Variants in MYO5B observed in about 807,000 individuals in gnomAD.
MYO5B encodes the protein unconventional myosin-Vb.
A neutral mutation model predicts 229.3 loss-of-function variants in MYO5B; 143 were observed. The ratio of observed to expected loss-of-function variants is 0.62; its 90% CI spans 0.54 to 0.72. The LOEUF (loss-of-function observed/expected upper bound fraction) is 0.72. Ranked by LOEUF, MYO5B falls within the 30% of genes least tolerant of loss-of-function variation. The pLI, the probability that MYO5B is intolerant of heterozygous loss-of-function variation, is 0.00. For missense variants in MYO5B, 2,321 were observed against 2,331.0 expected (o/e 1.00, Z 0.09); for synonymous variants, 918 against 885.2 (o/e 1.04, Z -0.66).
chr18:49,844,024 T>TCTTACTTCCC (rs1235125537), intron 33 of MYO5B, among the ~76,000 whole-genome samples: 1 of 152,132 alleles, frequency 6.6e-6, no homozygotes, highest in Non-Finnish European at 1.5e-5. Flanking sequence ...CATGCATCTC[T>TCTTACTTCCC]CCAGCGGCTC....
At chr18:50,142,861 C>T (rs1054956580) in intron 1 of MYO5B, among the ~76,000 whole-genome samples, 1 of 152,242 alleles carries the variant, frequency 6.6e-6, no homozygotes. Flanking sequence ...GAAATCACAA[C>T]AGCATCATTC....
intron 27 of MYO5B, among the ~76,000 whole-genome samples, chr18:49,868,202 A>AT (rs1015058348): frequency 2.6e-4 from 40 of 152,322 alleles, no homozygotes; most frequent in African/African-American, 8.9e-4. Context: ...AGGAATATGG[A>AT]TTTTTTAAAA....
chr18:49,992,156 C>A (rs1382449195), intron 6 of MYO5B, 132 bp downstream of exon 6: 2 of 1,308,182 alleles, frequency 1.5e-6, no homozygotes, highest in African/African-American at 1.5e-5. Context: ...AGATAAGAAC[C>A]AAAAGAACAA....
intron 1 of MYO5B, among the ~76,000 whole-genome samples, chr18:50,167,828 A>G (rs1599073137): frequency 6.6e-6 from 1 of 152,160 alleles, no homozygotes; most frequent in African/African-American, 2.4e-5. Context: ...AAGTCCCCAA[A>G]ATAAATCAAG....
chr18:50,126,425 G>A (rs1229627926), intron 1 of MYO5B: 1 of 154,772 alleles, frequency 6.5e-6, no homozygotes, highest in African/African-American at 2.4e-5. Context: ...ATTCAATTAA[G>A]GCAGAGACCA....
chr18:49,894,425 G>A (rs576532881), intron 22 of MYO5B, among the ~76,000 whole-genome samples: 38 of 152,224 alleles, frequency 2.5e-4, no homozygotes, highest in African/African-American at 7.9e-4. Flanking sequence ...TCAGGTTTGG[G>A]GCAAAGCTCA....
chr18:50,182,938 G>A (rs1367550751), intron 1 of MYO5B, among the ~76,000 whole-genome samples: 3 of 152,112 alleles, frequency 2.0e-5, no homozygotes, highest in African/African-American at 7.2e-5. Flanking sequence ...TGAGGGATGT[G>A]AGGCTAAGAT....
At chr18:49,929,162 T>A (rs1217615) in intron 17 of MYO5B, among the ~76,000 whole-genome samples, 110,323 of 152,032 alleles carry the variant, frequency 0.73, 40,424 homozygotes, top group African/African-American at 0.82. Context: ...ATATTTTCCT[T>A]CTGTTAGAAA....
chr18:50,123,304 C>T lies in MYO5B; in HGVS notation c.28-67926G>A, dbSNP rs189459070. On this transcript the variant is annotated intron_variant, in intron 1 of 39. Transcript: ENST00000285039. ...ACAGGAGGGAGAAATGGGTACAGGTCTCCTTTGTGGGTTATGAAAATATTT... is the reference window on the plus strand; with the variant it reads ...ACAGGAGGGAGAAATGGGTACAGGTTTCCTTTGTGGGTTATGAAAATATTT... Among the ~76,000 whole-genome samples, 20 of 152,254 alleles carry T rather than the reference C, an allele frequency of 1.3e-4. No individual in the cohort carries two copies. In the East Asian group the frequency reaches 3.5e-3, roughly 26 times the overall value.
chr18:50,101,103 T>C (rs985733933), intron 1 of MYO5B, among the ~76,000 whole-genome samples: 4 of 152,238 alleles, frequency 2.6e-5, no homozygotes, highest in Non-Finnish European at 5.9e-5. Flanking sequence ...AGTTGAAGTT[T>C]GCTAAGAGGG....
At chr18:50,055,118 C>A in intron 2 of MYO5B, 150 bp downstream of exon 2, 1 of 651,872 alleles carries the variant, frequency 1.5e-6, no homozygotes, top group Non-Finnish European at 2.7e-6. Flanking sequence ...TCACATACAT[C>A]AATAGCAACA....
At chr18:49,992,858 C>T (rs1275159135) in intron 5 of MYO5B, among the ~76,000 whole-genome samples, 1 of 152,222 alleles carries the variant, frequency 6.6e-6, no homozygotes, top group Admixed American at 6.5e-5. Flanking sequence ...CCAGTGCCCA[C>T]TAGCTCTGAA....
intron 2 of MYO5B, among the ~76,000 whole-genome samples, chr18:50,045,659 A>T (rs2030204061): frequency 6.6e-6 from 1 of 152,164 alleles, no homozygotes; most frequent in Non-Finnish European, 1.5e-5. Context: ...AAAGTGTGAG[A>T]TTACAGGTGT....
chr18:50,152,447 C>T (rs2032613684), intron 1 of MYO5B, among the ~76,000 whole-genome samples: 1 of 152,230 alleles, frequency 6.6e-6, no homozygotes, highest in African/African-American at 2.4e-5. Context: ...TGTGCTACTG[C>T]TTTCAGCATG....
At chr18:50,068,378 C>A (rs1227371348) in intron 1 of MYO5B, among the ~76,000 whole-genome samples, 1 of 152,172 alleles carries the variant, frequency 6.6e-6, no homozygotes, top group Non-Finnish European at 1.5e-5. Context: ...GGGACACATC[C>A]CAGATCTACA....
intron 4 of MYO5B, among the ~76,000 whole-genome samples, chr18:50,006,246 T>A (rs2026099526): frequency 6.6e-6 from 1 of 152,186 alleles, no homozygotes; most frequent in African/African-American, 2.4e-5. Flanking sequence ...AAGTACAGAA[T>A]CTGACCCAAT....
At chr18:50,136,207 C>T (rs1273766807) in intron 1 of MYO5B, among the ~76,000 whole-genome samples, 1 of 152,198 alleles carries the variant, frequency 6.6e-6, no homozygotes, top group Non-Finnish European at 1.5e-5. Flanking sequence ...ACAGTATGTA[C>T]TTAGAGAAGC....
intron 7 of MYO5B, among the ~76,000 whole-genome samples, chr18:49,985,041 GCTGCTGTATTTATGTAAAA>G (rs1215526918): frequency 5.9e-5 from 9 of 152,200 alleles, no homozygotes; most frequent in African/African-American, 1.9e-4. Context: ...ACAGAAATGT[GCTGCTGTATTTATGTAAAA>G]CTGGCACGGG....
intron 1 of MYO5B, among the ~76,000 whole-genome samples, chr18:50,111,569 C>CT (rs559212562): frequency 1.8e-4 from 28 of 152,276 alleles, no homozygotes; most frequent in Non-Finnish European, 1.9e-4. Flanking sequence ...AAACAGGCAC[C>CT]TGCTAAAACC....
Sources: allele counts gnomAD v4.1 joint callset (sites outside exome capture counted in the v4.1 genomes callset), GRCh38; gene constraint gnomAD v4.1.1; transcripts MANE v1.5; gene names NCBI Gene and HGNC (gene_info 2026-07-23, HGNC 2026-07-21).